RNF217: variants seen among roughly 807,000 people sequenced by gnomAD.
RNF217 encodes ring finger protein 217.
RNF217 carries 31 observed loss-of-function variants against 57.8 expected under a neutral mutation model. The ratio of observed to expected loss-of-function variants is 0.54; its 90% CI spans 0.40 to 0.72. The LOEUF (loss-of-function observed/expected upper bound fraction) is 0.72, where lower values mean the gene tolerates loss of function less well. Among genes scored for constraint, RNF217 ranks in the 30% least tolerant of loss-of-function variants. The pLI is 0.00. For missense variants in RNF217, 696 were observed against 708.3 expected (o/e 0.98, Z 0.20); for synonymous variants, 313 against 294.0 (o/e 1.06, Z -0.66).
chr6:125,045,405 A>G lies in RNF217; in HGVS notation c.1077A>G (p.Gly359=). The G allele has an allele frequency of 6.2e-7, 1 of 1,613,238 alleles. No homozygotes were observed. The highest frequency in any genetic ancestry group is 2.2e-5 in the East Asian group (1 of 44,772). Residue 359 remains glycine (G), a synonymous_variant, in exon 2 of 6, where the codon GGA becomes GGG. Transcript: ENST00000521654. Reference sequence around the variant, plus strand: ...ACTTTACAACCTTCAAGAAAAAAGGACATATTCCCACCCCTTCCAGATCAG... The same window carrying G: ...ACTTTACAACCTTCAAGAAAAAAGGGCATATTCCCACCCCTTCCAGATCAG... ...CKHFTTFKKK[G]HIPTPSRSES...
intron 4 of RNF217, among the ~76,000 whole-genome samples, chr6:125,081,106 T>C (rs563612954): frequency 2.6e-5 from 4 of 152,152 alleles, no homozygotes; most frequent in Non-Finnish European, 2.9e-5. Flanking sequence ...ATTGCGAACA[T>C]TGAAAATGGA....
At chr6:124,999,253 C>T (rs373981221) in intron 1 of RNF217, among the ~76,000 whole-genome samples, 3 of 152,072 alleles carry the variant, frequency 2.0e-5, no homozygotes, top group Non-Finnish European at 4.4e-5. Context: ...TTAATCTGCC[C>T]GTGTCATGAG....
chr6:124,970,829 G>A (rs1783734113), intron 1 of RNF217, among the ~76,000 whole-genome samples: 1 of 152,196 alleles, frequency 6.6e-6, no homozygotes, highest in Non-Finnish European at 1.5e-5. Flanking sequence ...AGAGTACTGA[G>A]AGTACTTACC....
At chr6:124,996,448 G>A (rs1784754539) in intron 1 of RNF217, 1 of 151,946 alleles carries the variant, frequency 6.6e-6, no homozygotes, top group South Asian at 2.1e-4. Context: ...CTAATCTTTT[G>A]TTAGTTAAAT....
intron 2 of RNF217, among the ~76,000 whole-genome samples, chr6:125,052,036 T>C (rs1482369552): frequency 2.6e-5 from 4 of 152,038 alleles, no homozygotes; most frequent in African/African-American, 9.7e-5. Flanking sequence ...GATGGACTGA[T>C]ATGAAATAGT....
chr6:125,085,261 G>C lies in RNF217; in HGVS notation c.*2324G>C, dbSNP rs1335192880. Reference sequence around the variant, plus strand: ...TTTCCAATATTCCTGTTACAAAGTGGTGTCTGTTTTCAGTGATGGCTATTT... The same window carrying C: ...TTTCCAATATTCCTGTTACAAAGTGCTGTCTGTTTTCAGTGATGGCTATTT... On this transcript the variant is annotated 3_prime_UTR_variant, in exon 6 of 6. Transcript: ENST00000521654. The C allele has an allele frequency of 6.6e-6, 1 of 151,744 alleles. No individual in the cohort carries two copies. Among genetic ancestry groups the C allele is most frequent in the African/African-American group, 2.4e-5 (1 of 41,384 alleles). 9.4% of individuals were successfully genotyped at this position (151,744 alleles called of 1,614,324 possible). A position where few individuals can be genotyped will look rare whatever the true frequency, so the allele number is the denominator to read the frequency against.
chr6:124,973,338 A>C (rs757292959), intron 1 of RNF217, among the ~76,000 whole-genome samples: 3 of 152,014 alleles, frequency 2.0e-5, no homozygotes, highest in African/African-American at 7.2e-5. Flanking sequence ...TCACCACCTG[A>C]GTTAGTCCTG....
chr6:125,057,036 A>G (rs756898690), intron 2 of RNF217, among the ~76,000 whole-genome samples: 6 of 152,210 alleles, frequency 3.9e-5, no homozygotes, highest in African/African-American at 1.2e-4. Context: ...CTATATTGAT[A>G]TATTTCTAAT....
intron 1 of RNF217, among the ~76,000 whole-genome samples, chr6:124,990,415 A>T (rs1483134090): frequency 1.3e-5 from 2 of 152,160 alleles, no homozygotes; most frequent in Non-Finnish European, 2.9e-5. Flanking sequence ...TATATCTGCA[A>T]TTGATTTTAT....
In RNF217 at chr6:125,058,092, T is replaced by C; in HGVS notation, c.1267T>C (p.Cys423Arg). ...GCATGGGCAGAGGAATGCCCAGAAG[T>C]GTCCAAAGTGCAAGGTGAGATAACT... is the stretch of plus-strand genomic sequence containing the variant. ...IEHGQRNAQK[C>R]PKCKIHIQRT... The change falls in exon 3 of 6, where the codon TGT (cysteine) becomes CGT (arginine). Residue 423 changes from cysteine to arginine, a missense_variant. Cys to Arg is a radical substitution (Grantham distance 180). Coordinates refer to ENST00000521654, the MANE Select transcript of RNF217 (RefSeq NM_001286398.3). 6.2e-7 allele frequency: 1 copy of C among 1,610,328 alleles called. No individual in the cohort carries two copies. The highest frequency in any genetic ancestry group is 1.1e-5 in the South Asian group (1 of 90,240).
chr6:124,972,697 C>G (rs929685309), intron 1 of RNF217, among the ~76,000 whole-genome samples: 7 of 152,064 alleles, frequency 4.6e-5, no homozygotes, highest in African/African-American at 1.7e-4. Context: ...CTCTTTCTTT[C>G]CTTGCTGCCC....
At position 125,082,939 on chromosome 6, in the gene RNF217, A is replaced by G. The variant is rs1268667160; in HGVS notation, c.*2A>G. The G allele has an allele frequency of 3.8e-6, 6 of 1,589,862 alleles. No homozygotes were observed. Among genetic ancestry groups the G allele is most frequent in the Non-Finnish European group, 5.1e-6 (6 of 1,171,822 alleles). On this transcript the variant is annotated 3_prime_UTR_variant, in exon 6 of 6. Coordinates refer to ENST00000521654, the MANE Select transcript of RNF217 (RefSeq NM_001286398.3). Reference sequence around the variant, plus strand: ...TCACGGACAGGTATGCACTGGTAACATGCAGATGATTTCATCCAGCTAAGC... The same window carrying G: ...TCACGGACAGGTATGCACTGGTAACGTGCAGATGATTTCATCCAGCTAAGC...
chr6:124,984,246 A>T (rs1002756415), intron 1 of RNF217, among the ~76,000 whole-genome samples: 2 of 152,132 alleles, frequency 1.3e-5, no homozygotes, highest in African/African-American at 4.8e-5. Flanking sequence ...TGGTTGTGCT[A>T]TAGTCAATAA....
chr6:125,073,453 G>A (rs73772620), intron 3 of RNF217, among the ~76,000 whole-genome samples: 2,209 of 152,280 alleles, frequency 0.015, 49 homozygotes, highest in African/African-American at 0.048. Flanking sequence ...TTTGCTTAAA[G>A]AAGGATTCTC....
At chr6:124,998,308 A>G (rs879608920) in intron 1 of RNF217, among the ~76,000 whole-genome samples, 1 of 151,762 alleles carries the variant, frequency 6.6e-6, no homozygotes, top group Non-Finnish European at 1.5e-5. Context: ...CCTTTCCCCC[A>G]TTTCAGATTC....
intron 5 of RNF217, among the ~76,000 whole-genome samples, chr6:125,082,171 T>G (rs1788598989): frequency 6.6e-6 from 1 of 152,108 alleles, no homozygotes; most frequent in Non-Finnish European, 1.5e-5. Flanking sequence ...TTTAAAAAGT[T>G]CCCAGGTGAT....
intron 1 of RNF217, among the ~76,000 whole-genome samples, chr6:125,040,482 A>G (rs1223523251): frequency 4.6e-5 from 7 of 152,190 alleles, no homozygotes. Context: ...CCAGGACCAG[A>G]TGGATTCACT....
intron 4 of RNF217, among the ~76,000 whole-genome samples, chr6:125,079,253 G>A (rs536148031): frequency 6.6e-6 from 1 of 152,244 alleles, no homozygotes; most frequent in East Asian, 1.9e-4. Context: ...ATTATTAAAG[G>A]AATGGTACTG....
Position 125,082,980 on chromosome 6 carries a change from C to A in RNF217, c.*43C>A. 1 of 1,396,746 alleles carries A rather than the reference C, an allele frequency of 7.2e-7. No individual in the cohort carries two copies. Among genetic ancestry groups the A allele is most frequent in the Non-Finnish European group, 9.9e-7 (1 of 1,014,050 alleles). 86.5% of individuals were successfully genotyped at this position (1,396,746 alleles called of 1,614,324 possible). A position where few individuals can be genotyped will look rare whatever the true frequency, so the allele number is the denominator to read the frequency against. Reference sequence around the variant, plus strand: ...CCAGCTAAGCTGGTTGGAGTAGGAGCGATACCAAAGGGTACACCCATCTGT... The same window carrying A: ...CCAGCTAAGCTGGTTGGAGTAGGAGAGATACCAAAGGGTACACCCATCTGT... On this transcript the variant is annotated 3_prime_UTR_variant, in exon 6 of 6. Coordinates refer to ENST00000521654, the MANE Select transcript of RNF217 (RefSeq NM_001286398.3).
Sources: allele counts gnomAD v4.1 joint callset (sites outside exome capture counted in the v4.1 genomes callset), GRCh38; gene constraint gnomAD v4.1.1; transcripts MANE v1.5; gene names NCBI Gene and HGNC (gene_info 2026-07-23, HGNC 2026-07-21).